MAGI1: variants seen among roughly 807,000 people sequenced by gnomAD.
The protein encoded by MAGI1 is membrane associated guanylate kinase, WW and PDZ domain containing 1, also known as membrane-associated guanylate kinase, WW and PDZ domain-containing protein 1.
A neutral mutation model predicts 139.9 loss-of-function variants in MAGI1; 58 were observed. The ratio of observed to expected loss-of-function variants is 0.41; its 90% CI spans 0.34 to 0.52. The LOEUF is 0.52. Ranked by LOEUF, MAGI1 falls within the 20% of genes least tolerant of loss-of-function variation. The pLI, the probability that MAGI1 is intolerant of heterozygous loss-of-function variation, is 0.12. For missense variants in MAGI1, 1,874 were observed against 1,901.6 expected (o/e 0.99, Z 0.27); for synonymous variants, 812 against 737.9 (o/e 1.10, Z -1.63).
rs757359782 is a variant in MAGI1, at chr3:65,430,068, T to C, written c.1619A>G (p.Gln540Arg). ...HTHAQVVKIF[Q>R]SIPIGASVDL... Reference sequence around the variant, plus strand: ...CACGCTGGCACCAATGGGGATGGACTGGAAGATCTTCACAACTTGAGCATG... The same window carrying C: ...CACGCTGGCACCAATGGGGATGGACCGGAAGATCTTCACAACTTGAGCATG... Residue 540 changes from glutamine to arginine, a missense_variant, in exon 12 of 23, where the codon CAG becomes CGG. Transcript: ENST00000402939. 6.2e-7 allele frequency: 1 copy of C among 1,613,840 alleles called. No individual in the cohort carries two copies. Among genetic ancestry groups the C allele is most frequent in the Non-Finnish European group, 8.5e-7 (1 of 1,179,892 alleles).
chr3:65,706,698 C>T (rs2030359403), intron 1 of MAGI1, among the ~76,000 whole-genome samples: 1 of 151,834 alleles, frequency 6.6e-6, no homozygotes. Context: ...TGCAAAGGTC[C>T]AGAGACAAAG....
At chr3:65,950,059 CAAAAAAACAA>C (rs1560045410) in intron 1 of MAGI1, among the ~76,000 whole-genome samples, 2 of 13,464 alleles carry the variant, frequency 1.5e-4, no homozygotes, top group Non-Finnish European at 2.8e-4. Flanking sequence ...AAAAAAAAAA[CAAAAAAACAA>C]AAAAAAAACA....
At chr3:65,756,972 C>G (rs1173523769) in intron 1 of MAGI1, among the ~76,000 whole-genome samples, 1 of 152,134 alleles carries the variant, frequency 6.6e-6, no homozygotes, top group Non-Finnish European at 1.5e-5. Flanking sequence ...GAAAATAACT[C>G]AAATACCATA....
chr3:65,629,561 CAAAA>C (rs57784561), intron 1 of MAGI1, among the ~76,000 whole-genome samples: 7,817 of 143,024 alleles, frequency 0.055, 407 homozygotes, highest in African/African-American at 0.14. Context: ...GCTATTACAG[CAAAA>C]AAAAAAAAAA....
chr3:65,726,377 A>G (rs2033609842), intron 1 of MAGI1, among the ~76,000 whole-genome samples: 1 of 152,228 alleles, frequency 6.6e-6, no homozygotes, highest in African/African-American at 2.4e-5. Context: ...TCTGGTAAAG[A>G]TATTGAGTCT....
At chr3:65,596,406 C>T (rs969487183) in intron 2 of MAGI1, among the ~76,000 whole-genome samples, 1 of 152,120 alleles carries the variant, frequency 6.6e-6, no homozygotes, top group Non-Finnish European at 1.5e-5. Flanking sequence ...CACTATAAAC[C>T]AGCAAGGGTT....
Position 65,379,544 on chromosome 3 carries a change from G to T in MAGI1, c.2712C>A (p.Thr904=). The T allele has an allele frequency of 6.2e-7, 1 of 1,608,806 alleles. No homozygotes were observed. Among genetic ancestry groups the T allele is most frequent in the South Asian group, 1.1e-5 (1 of 90,940 alleles). Residue 904 remains threonine (T), a synonymous_variant, in exon 17 of 23, where the codon ACC becomes ACA. Coordinates refer to ENST00000402939, the MANE Select transcript of MAGI1 (RefSeq NM_001033057.2). ...RRKVVFAVPK[T]ENEVPSPASS... is the part of the protein sequence containing the mutation. ...AGGCTGGCGAGGGCACCTCGTTCTCGGTTTTGGGCACTGTAGCAGAGAGAT... is the reference window on the plus strand; with the variant it reads ...AGGCTGGCGAGGGCACCTCGTTCTCTGTTTTGGGCACTGTAGCAGAGAGAT...
chr3:65,912,996 G>A (rs934128414), intron 1 of MAGI1, among the ~76,000 whole-genome samples: 1 of 152,142 alleles, frequency 6.6e-6, no homozygotes, highest in East Asian at 1.9e-4. Flanking sequence ...TAAGGGGCTG[G>A]GCGCAGTGGC....
In MAGI1 at chr3:65,450,071, G is replaced by A. The variant is rs141824736; in HGVS notation, c.1043-2014C>T. On this transcript the variant is annotated intron_variant, in intron 6 of 22. Coordinates refer to ENST00000402939, the MANE Select transcript of MAGI1 (RefSeq NM_001033057.2). ...TATAAGAGTATAGTGAAATGTAAGCGTATTCTAAGAGAGAAATGCACATTT... is the reference window on the plus strand; with the variant it reads ...TATAAGAGTATAGTGAAATGTAAGCATATTCTAAGAGAGAAATGCACATTT... Among the ~76,000 whole-genome samples the A allele has an allele frequency of 8.8e-3, 1,347 of 152,250 alleles. 8 individuals carry two copies. Among genetic ancestry groups the A allele is most frequent in the Non-Finnish European group, 0.015 (1,008 of 68,018 alleles).
intron 2 of MAGI1, among the ~76,000 whole-genome samples, chr3:65,507,633 T>C (rs1374873290): frequency 1.3e-5 from 2 of 152,228 alleles, no homozygotes; most frequent in African/African-American, 2.4e-5. Context: ...ACGATCTCTA[T>C]AACTATAAAT....
At chr3:65,459,617 A>T (rs946226252) in intron 5 of MAGI1, among the ~76,000 whole-genome samples, 1 of 152,150 alleles carries the variant, frequency 6.6e-6, no homozygotes, top group East Asian at 1.9e-4. Context: ...TTTATCTTGA[A>T]CTATAACCCT....
At chr3:65,998,392 C>A (rs1038493308) in intron 1 of MAGI1, among the ~76,000 whole-genome samples, 1 of 152,078 alleles carries the variant, frequency 6.6e-6, no homozygotes, top group Non-Finnish European at 1.5e-5. Flanking sequence ...TTTTTCGTGC[C>A]AAGAAATGAG....
In MAGI1 at chr3:65,387,757, C is replaced by T. The variant is rs189014973; in HGVS notation, c.2416+3385G>A. ...CGAGAACTGAACAAACACACAAATA[C>T]AAACTCATAATTGCTCTTAAAATCT... On this transcript the variant is annotated intron_variant, in intron 14 of 22. Coordinates refer to ENST00000402939, the MANE Select transcript of MAGI1 (RefSeq NM_001033057.2). 2.6e-5 allele frequency among the ~76,000 whole-genome samples: 4 copies of T among 152,288 alleles called. No individual in the cohort carries two copies. The East Asian group carries it at 7.7e-4, about 29-fold the overall frequency.
At position 65,357,206 on chromosome 3, in the gene MAGI1, C is replaced by G. The variant is rs1575588813; in HGVS notation, c.3635-74G>C. ...GCTCCTGTCCCCGTTCCCACCCACA[C>G]TCGAGACCTCATTAGTCACAACAAG... On this transcript the variant is annotated intron_variant, in intron 22 of 22. Coordinates refer to ENST00000402939, the MANE Select transcript of MAGI1 (RefSeq NM_001033057.2). 18 of 1,440,118 alleles carry G rather than the reference C, an allele frequency of 1.2e-5. No homozygotes were observed. The East Asian group carries it at 4.1e-4, about 33-fold the overall frequency. 89.2% of individuals were successfully genotyped at this position (1,440,118 alleles called of 1,614,324 possible). A position where few individuals can be genotyped will look rare whatever the true frequency, so the allele number is the denominator to read the frequency against.
intron 1 of MAGI1, among the ~76,000 whole-genome samples, chr3:65,857,271 T>C (rs1355456620): frequency 6.6e-6 from 1 of 152,222 alleles, no homozygotes; most frequent in East Asian, 1.9e-4. Context: ...AAAAATCTAG[T>C]ACTGGTTCAG....
chr3:65,388,605 ACAGATACTGAATAATTACCATGGGGG>A (rs1943637457), intron 14 of MAGI1, among the ~76,000 whole-genome samples: 1 of 152,116 alleles, frequency 6.6e-6, no homozygotes, highest in African/African-American at 2.4e-5. Context: ...AAAATCTGTG[ACAGATACTGAATAATTACCATGGGGG>A]CCAGGGGGAG....
At chr3:65,891,922 A>G (rs2060781702) in intron 1 of MAGI1, among the ~76,000 whole-genome samples, 1 of 99,608 alleles carries the variant, frequency 1.0e-5, no homozygotes, top group African/African-American at 4.2e-5. Flanking sequence ...ATATATATAT[A>G]TATATATATA....
At chr3:65,471,625 C>G (rs909295334) in intron 4 of MAGI1, among the ~76,000 whole-genome samples, 3 of 152,176 alleles carry the variant, frequency 2.0e-5, no homozygotes, top group African/African-American at 7.2e-5. Flanking sequence ...TAGCACCACT[C>G]AGGTATCCTT....
chr3:66,013,874 A>G (rs1179569828), intron 1 of MAGI1, among the ~76,000 whole-genome samples: 1 of 152,200 alleles, frequency 6.6e-6, no homozygotes, highest in Admixed American at 6.5e-5. Context: ...ATCGTCAATG[A>G]TTTGACTGAA....
Sources: allele counts gnomAD v4.1 joint callset (sites outside exome capture counted in the v4.1 genomes callset), GRCh38; gene constraint gnomAD v4.1.1; transcripts MANE v1.5; gene names NCBI Gene and HGNC (gene_info 2026-07-23, HGNC 2026-07-21).